The following PTGR3 variants were observed in gnomAD, a reference collection of about 807,000 sequenced individuals.
PTGR3 encodes the protein prostaglandin reductase 3.
At chr18:75,202,777 T>C in the PTGR3 span, among the ~76,000 whole-genome samples, 1 of 152,014 alleles carries the variant, frequency 6.6e-6, no homozygotes, top group African/African-American at 2.4e-5. Context: ...TTAACAAAGA[T>C]GTTAAAAACA....
chr18:75,209,086 C>T, the PTGR3 span: 1 of 1,466,524 alleles, frequency 6.8e-7, no homozygotes, highest in Non-Finnish European at 9.0e-7. This position sits in a 1 kb window ranked among gnomAD's most constrained non-coding sequence, Gnocchi z 4.7. Context: ...GCTCTCTGCG[C>T]CGACGCTGGC....
At chr18:75,206,424 T>C in the PTGR3 span, among the ~76,000 whole-genome samples, 3 of 152,316 alleles carry the variant, frequency 2.0e-5, no homozygotes, top group Admixed American at 2.0e-4. Context: ...GATTTTAAGA[T>C]GATAAAAATG....
the PTGR3 span, chr18:75,205,101 C>T: frequency 3.1e-6 from 3 of 960,742 alleles, no homozygotes; most frequent in South Asian, 4.8e-5. Flanking sequence ...GTTCGCGGAC[C>T]CCCACCTCCA....
chr18:75,204,824 A>C, the PTGR3 span, among the ~76,000 whole-genome samples: 1 of 152,032 alleles, frequency 6.6e-6, no homozygotes, highest in South Asian at 2.1e-4. Flanking sequence ...CCGGCCGCGC[A>C]GCTCCGCCTG....
At chr18:75,199,216 T>C in the PTGR3 span, 3 of 152,620 alleles carry the variant, frequency 2.0e-5, no homozygotes, top group Non-Finnish European at 4.4e-5. Flanking sequence ...ACAATAAATT[T>C]CTATTCTGTA....
chr18:75,199,073 GA>G, the PTGR3 span: 1 of 152,626 alleles, frequency 6.6e-6, no homozygotes, highest in East Asian at 1.9e-4. Context: ...AAGAATAAGT[GA>G]AAACAGCATG....
the PTGR3 span, chr18:75,197,872 T>G: frequency 6.6e-6 from 1 of 151,642 alleles, no homozygotes; most frequent in Non-Finnish European, 1.5e-5. Context: ...CCTAGGAAAT[T>G]ACTGTCCAAA....
chr18:75,200,030 A>G, the PTGR3 span: 1 of 152,548 alleles, frequency 6.6e-6, no homozygotes, highest in Non-Finnish European at 1.5e-5. Flanking sequence ...GAAGGAAAGA[A>G]AAATTAAATA....
At chr18:75,204,009 A>G in the PTGR3 span, among the ~76,000 whole-genome samples, 51,115 of 152,056 alleles carry the variant, frequency 0.34, 10,266 homozygotes, top group East Asian at 0.46. Flanking sequence ...AAGTGGGGGG[A>G]CAGGAGCCGA....
the PTGR3 span, among the ~76,000 whole-genome samples, chr18:75,208,210 C>T: frequency 3.3e-5 from 5 of 152,238 alleles, no homozygotes; most frequent in Non-Finnish European, 7.3e-5. Context: ...CGACCCTGGC[C>T]CAGCTGCCCG....
At chr18:75,204,522 T>C in the PTGR3 span, among the ~76,000 whole-genome samples, 7 of 152,058 alleles carry the variant, frequency 4.6e-5, no homozygotes, top group African/African-American at 1.4e-4. Context: ...GCTGGAGCGG[T>C]GGCAGCAGAC....
the PTGR3 span, among the ~76,000 whole-genome samples, chr18:75,204,091 G>A: frequency 6.6e-6 from 1 of 152,248 alleles, no homozygotes; most frequent in Non-Finnish European, 1.5e-5. Flanking sequence ...ATCCCTCCCA[G>A]TTTGTCCCCC....
At chr18:75,206,007 C>T in the PTGR3 span, among the ~76,000 whole-genome samples, 21 of 152,282 alleles carry the variant, frequency 1.4e-4, no homozygotes, top group East Asian at 3.9e-3. Context: ...CTGTCACCTT[C>T]TTACGAAAAA....
At chr18:75,205,878 C>T in the PTGR3 span, among the ~76,000 whole-genome samples, 1 of 152,224 alleles carries the variant, frequency 6.6e-6, no homozygotes, top group Admixed American at 6.5e-5. Flanking sequence ...AGCAACAAAC[C>T]GTTTATCAAA....
At chr18:75,196,281 T>TA in the PTGR3 span, 1 of 152,302 alleles carries the variant, frequency 6.6e-6, no homozygotes, top group African/African-American at 2.4e-5. Flanking sequence ...CATCATCAGA[T>TA]AGATAGTGCT....
chr18:75,201,540 A>G, the PTGR3 span: 1 of 1,614,078 alleles, frequency 6.2e-7, no homozygotes, highest in African/African-American at 1.3e-5. Context: ...CTCTGGAGAC[A>G]GATCTCCAAG....
chr18:75,204,853 G>C, the PTGR3 span, among the ~76,000 whole-genome samples: 1 of 152,174 alleles, frequency 6.6e-6, no homozygotes, highest in Admixed American at 6.5e-5. Context: ...AGTTCTCTCC[G>C]AGTCCCGTGC....
the PTGR3 span, chr18:75,201,593 C>G: frequency 5.6e-6 from 9 of 1,614,170 alleles, no homozygotes; most frequent in Non-Finnish European, 7.6e-6. Flanking sequence ...ACATCTCGAG[C>G]AAGTGGCTCA....
the PTGR3 span, among the ~76,000 whole-genome samples, chr18:75,204,285 G>A: frequency 6.6e-6 from 1 of 152,212 alleles, no homozygotes; most frequent in African/African-American, 2.4e-5. Flanking sequence ...GCTGTGGTTT[G>A]CCGCTTCCTG....
Sources: gnomAD v4.1 joint callset for allele counts (sites outside exome capture counted in the v4.1 genomes callset) on GRCh38, gnomAD v4.1.1 for gene constraint, Gnocchi (gnomAD v3.1) non-coding constraint, MANE v1.5 for transcripts, NCBI Gene and HGNC (gene_info 2026-07-23, HGNC 2026-07-21) for gene names.